The following ZFHX4 variants were observed in gnomAD, a reference collection of about 807,000 sequenced individuals.
ZFHX4 encodes zinc finger homeobox 4, also known as zinc finger homeobox protein 4.
A neutral mutation model predicts 267.6 loss-of-function variants in ZFHX4; 56 were observed. That is an observed-to-expected ratio of 0.21 (90% CI 0.17 to 0.26). ZFHX4 has a LOEUF of 0.26. Ranked by LOEUF, ZFHX4 falls within the 10% of genes least tolerant of loss-of-function variation. The pLI is 1.00. For synonymous variants in ZFHX4, 1,778 were observed against 1,665.6 expected (o/e 1.07, Z -1.64); for missense variants, 4,332 against 4,420.0 (o/e 0.98, Z 0.56).
chr8:76,863,678 T>C lies in ZFHX4; in HGVS notation c.9964T>C (p.Tyr3322His). 6.2e-7 allele frequency: 1 copy of C among 1,601,202 alleles called. No homozygotes were observed. Among genetic ancestry groups the C allele is most frequent in the Non-Finnish European group, 8.5e-7 (1 of 1,173,296 alleles). Reference protein sequence around the residue: ...PGALLQQYQQYQQNLQESLQK... With the variant: ...PGALLQQYQQHQQNLQESLQK... ...TGCACTGTTGCAGCAGTACCAACAG[T>C]ATCAGCAGAACCTGCAGGAGTCCCT... The change falls in exon 11 of 11, where the codon TAT (tyrosine) becomes CAT (histidine). Residue 3322 changes from tyrosine to histidine, a missense_variant. Coordinates refer to ENST00000651372, the MANE Select transcript of ZFHX4 (RefSeq NM_024721.5).
chr8:76,731,688 T>G (rs1809015071), intron 3 of ZFHX4, among the ~76,000 whole-genome samples: 1 of 152,020 alleles, frequency 6.6e-6, no homozygotes, highest in Non-Finnish European at 1.5e-5. Context: ...TCAGTATTAG[T>G]AAAGTAGAAC....
chr8:76,747,916 G>A (rs1809504826), intron 3 of ZFHX4, among the ~76,000 whole-genome samples: 1 of 150,980 alleles, frequency 6.6e-6, no homozygotes, highest in Non-Finnish European at 1.5e-5. Context: ...CTGGGCAACA[G>A]AGCGAGGCTC....
At chr8:76,811,635 G>A (rs1302169174) in intron 4 of ZFHX4, among the ~76,000 whole-genome samples, 4 of 152,152 alleles carry the variant, frequency 2.6e-5, no homozygotes, top group Non-Finnish European at 4.4e-5. Flanking sequence ...GAAGGTGTAT[G>A]CTGTCATTGC....
intron 1 of ZFHX4, among the ~76,000 whole-genome samples, chr8:76,695,374 A>T (rs947478024): frequency 6.6e-6 from 1 of 152,232 alleles, no homozygotes; most frequent in Admixed American, 6.5e-5. Context: ...TTCAATCTTA[A>T]CATCCATTTG....
At chr8:76,843,539 G>C (rs990331725) in intron 6 of ZFHX4, among the ~76,000 whole-genome samples, 1 of 152,104 alleles carries the variant, frequency 6.6e-6, no homozygotes, top group East Asian at 1.9e-4. Flanking sequence ...GCAAATATAT[G>C]ACTTCATCCA....
intron 4 of ZFHX4, among the ~76,000 whole-genome samples, chr8:76,784,237 A>G (rs1179829233): frequency 6.6e-6 from 1 of 151,624 alleles, no homozygotes; most frequent in Admixed American, 6.6e-5. Flanking sequence ...ATTTTATTTT[A>G]TTTTATGTTT....
chr8:76,835,225 A>ATATATATATATATATATGTATATATATG (rs1812044424), intron 5 of ZFHX4, among the ~76,000 whole-genome samples: 2 of 96,928 alleles, frequency 2.1e-5, no homozygotes, highest in African/African-American at 1.2e-4. Flanking sequence ...ATATGTATAT[A>ATATATATATATATATATGTATATATATG]TATATATATA....
At chr8:76,782,031 C>T (rs1296764947) in intron 4 of ZFHX4, 1 of 307,258 alleles carries the variant, frequency 3.3e-6, no homozygotes, top group Non-Finnish European at 6.6e-6. Context: ...CATGGAATTT[C>T]CATTTTACTA....
chr8:76,713,469 G>A (rs1204251608), intron 3 of ZFHX4, among the ~76,000 whole-genome samples: 1 of 152,150 alleles, frequency 6.6e-6, no homozygotes, highest in African/African-American at 2.4e-5. Context: ...AGCAAAGTGT[G>A]TTATTAGAAC....
At position 76,704,116 on chromosome 8, in the gene ZFHX4, T is replaced by C. The variant is rs750311405; in HGVS notation, c.28T>C (p.Ser10Pro). 17 of 1,612,496 alleles carry C rather than the reference T, an allele frequency of 1.1e-5. No individual in the cohort carries two copies. Among genetic ancestry groups the C allele is most frequent in the Admixed American group, 8.3e-5 (5 of 59,910 alleles). The stretch of plus-strand genomic sequence containing the variant: ...GGAAACCTGTGACTCCCCTCCTATC[T>C]CAAGGCAGGAAAATGGGCAGAGCAC... METCDSPPI[S>P]RQENGQSTSK... is the part of the protein sequence containing the mutation. Residue 10 changes from serine (S) to proline (P), a missense_variant, in exon 2 of 11, where the codon TCA (serine) becomes CCA (proline). Around this residue, in one of 7 missense-constraint regions of ZFHX4, gnomAD observed 1,195 missense variants for 1,173.6 expected, o/e 1.02. Transcript: ENST00000651372.
intron 5 of ZFHX4, among the ~76,000 whole-genome samples, chr8:76,837,428 A>G (rs1050933094): frequency 6.6e-6 from 1 of 151,998 alleles, no homozygotes; most frequent in Non-Finnish European, 1.5e-5. Context: ...AATTAATATG[A>G]ACAGAAACCA....
At chr8:76,713,574 GA>G (rs1185110400) in intron 3 of ZFHX4, among the ~76,000 whole-genome samples, 3 of 152,224 alleles carry the variant, frequency 2.0e-5, no homozygotes, top group East Asian at 3.9e-4. Flanking sequence ...CTGTTTTCCT[GA>G]AATCCTTACT....
At chr8:76,754,058 A>G (rs1476633424) in intron 3 of ZFHX4, among the ~76,000 whole-genome samples, 1 of 152,174 alleles carries the variant, frequency 6.6e-6, no homozygotes, top group Non-Finnish European at 1.5e-5. Context: ...CTATTTTTGC[A>G]CTGGTAGAAC....
intron 5 of ZFHX4, 171 bp downstream of exon 5, chr8:76,833,577 T>C (rs986341056): frequency 3.5e-6 from 2 of 564,602 alleles, no homozygotes; most frequent in Non-Finnish European, 6.2e-6. Context: ...TAATTGGAAG[T>C]ATATGTAAAT....
chr8:76,727,274 C>A (rs1221675514), intron 3 of ZFHX4, among the ~76,000 whole-genome samples: 2 of 152,118 alleles, frequency 1.3e-5, no homozygotes, highest in Non-Finnish European at 1.5e-5. Flanking sequence ...GGGGCCGCAG[C>A]CACATTTTTT....
At chr8:76,796,538 A>T (rs1195845971) in intron 4 of ZFHX4, among the ~76,000 whole-genome samples, 1 of 152,144 alleles carries the variant, frequency 6.6e-6, no homozygotes, top group Non-Finnish European at 1.5e-5. Context: ...TTTAATTCCC[A>T]TGACTGCCAC....
chr8:76,793,061 G>A (rs1810880906), intron 4 of ZFHX4, among the ~76,000 whole-genome samples: 1 of 152,126 alleles, frequency 6.6e-6, no homozygotes, highest in Non-Finnish European at 1.5e-5. Context: ...GGAAGTTAGT[G>A]TCTGACCTAA....
chr8:76,854,889 A>T lies in ZFHX4; in HGVS notation c.7968A>T (p.Thr2656=), dbSNP rs367882002. Residue 2656 remains threonine, a synonymous_variant, in exon 10 of 11, where the codon ACA becomes ACT. Coordinates refer to ENST00000651372, the MANE Select transcript of ZFHX4 (RefSeq NM_024721.5). The part of the protein sequence containing the change: ...KRVVQVWFQN[T]RARERKGQFR... ...TCGTGCAAGTCTGGTTCCAGAATAC[A>T]CGAGCGCGGGAGAGGAAAGGCCAGT... The T allele has an allele frequency of 4.4e-5, 71 of 1,613,072 alleles. No individual in the cohort carries two copies. Among genetic ancestry groups the T allele is most frequent in the Middle Eastern group, 3.3e-4 (2 of 6,056 alleles).
At chr8:76,862,409 A>G (rs1812894742) in intron 10 of ZFHX4, among the ~76,000 whole-genome samples, 1 of 152,212 alleles carries the variant, frequency 6.6e-6, no homozygotes, top group Non-Finnish European at 1.5e-5. Context: ...GCAAGTTGTC[A>G]GGATGGTAAC....
Sources: allele counts gnomAD v4.1 joint callset (sites outside exome capture counted in the v4.1 genomes callset), GRCh38; gene constraint gnomAD v4.1.1; regional missense constraint gnomAD v4.1.1; transcripts MANE v1.5; gene names NCBI Gene and HGNC (gene_info 2026-07-23, HGNC 2026-07-21).